Variants in TRDN observed in about 807,000 individuals in gnomAD.
TRDN encodes triadin, also known as triadin in skeletal muscle.
Under a neutral mutation model 149.7 loss-of-function variants are expected in TRDN, and 161 were observed. The observed-to-expected ratio is 1.08, with a 90% CI of 0.95 to 1.23. The LOEUF is 1.23. TRDN is among the 50% of genes most tolerant of loss of function. TRDN has a pLI of 0.00. For synonymous variants in TRDN, 294 were observed against 250.5 expected (o/e 1.17, Z -1.64); for missense variants, 896 against 823.5 (o/e 1.09, Z -1.08).
At chr6:123,285,095 A>G (rs949299897) in intron 24 of TRDN, among the ~76,000 whole-genome samples, 3 of 151,948 alleles carry the variant, frequency 2.0e-5, no homozygotes, top group Non-Finnish European at 4.4e-5. Flanking sequence ...TAGAATCAAT[A>G]TGTGAAAATG....
intron 21 of TRDN, chr6:123,350,024 CTTAAT>C (rs1281807685): frequency 1.0e-6 from 1 of 985,114 alleles, no homozygotes; most frequent in Admixed American, 6.2e-5. Context: ...TGAAACATTC[CTTAAT>C]TTAAGGCAAA....
chr6:123,590,324 G>A (rs1021059699), intron 1 of TRDN, among the ~76,000 whole-genome samples: 2 of 152,206 alleles, frequency 1.3e-5, no homozygotes, highest in Non-Finnish European at 2.9e-5. Flanking sequence ...GGTTCCTTAT[G>A]AGAATCTAAT....
intron 7 of TRDN, among the ~76,000 whole-genome samples, chr6:123,511,473 A>T (rs889140050): frequency 3.9e-5 from 6 of 152,176 alleles, no homozygotes; most frequent in African/African-American, 1.4e-4. Context: ...CTATGTACCT[A>T]TAAATATTGA....
intron 38 of TRDN, among the ~76,000 whole-genome samples, chr6:123,225,657 A>C (rs1341609257): frequency 2.0e-5 from 3 of 151,680 alleles, no homozygotes; most frequent in Non-Finnish European, 4.4e-5. Flanking sequence ...ATTGTATATC[A>C]AATATATATA....
In TRDN at chr6:123,508,944, G is replaced by A. The variant is rs1779045235; in HGVS notation, c.610+3359C>T. 3.3e-5 allele frequency among the ~76,000 whole-genome samples: 5 copies of A among 151,848 alleles called. No individual in the cohort carries two copies. In the South Asian group the frequency reaches 1.0e-3, roughly 32 times the overall value. On this transcript the variant is annotated intron_variant, in intron 7 of 40. Transcript: ENST00000334268. Reference sequence around the variant, plus strand: ...TACCAGAAACCACCTATTACATAAAGAACACTTTCTATTAATTTCTTATAA... The same window carrying A: ...TACCAGAAACCACCTATTACATAAAAAACACTTTCTATTAATTTCTTATAA...
intron 4 of TRDN, among the ~76,000 whole-genome samples, chr6:123,540,655 A>T (rs1425906823): frequency 2.0e-5 from 3 of 152,134 alleles, no homozygotes; most frequent in Non-Finnish European, 2.9e-5. Flanking sequence ...AGTAGCTGGG[A>T]CTACAAGCGC....
intron 12 of TRDN, among the ~76,000 whole-genome samples, chr6:123,399,457 T>C (rs921148690): frequency 6.6e-5 from 10 of 152,228 alleles, no homozygotes; most frequent in African/African-American, 9.6e-5. Flanking sequence ...ACAGATCATT[T>C]GGCCTTTTAC....
intron 14 of TRDN, among the ~76,000 whole-genome samples, chr6:123,387,564 C>A (rs1781953236): frequency 1.3e-5 from 2 of 152,066 alleles, no homozygotes; most frequent in Admixed American, 1.3e-4. Context: ...GTGAGAACGA[C>A]AGTGAGAAAG....
In TRDN at chr6:123,428,916, T is replaced by C. The variant is rs372503691; in HGVS notation, c.1051+9147A>G. Among the ~76,000 whole-genome samples, 151 of 152,280 alleles carry C rather than the reference T, an allele frequency of 9.9e-4. 2 individuals are homozygous for C. In the South Asian group the frequency reaches 0.022, roughly 22 times the overall value. On this transcript the variant is annotated intron_variant, in intron 12 of 40. Transcript: ENST00000334268. Reference sequence around the variant, plus strand: ...CCAACATTAAGCAGATTTCCTTGCATGTATTATGGGATTATTAAATATTTT... The same window carrying C: ...CCAACATTAAGCAGATTTCCTTGCACGTATTATGGGATTATTAAATATTTT...
intron 1 of TRDN, among the ~76,000 whole-genome samples, chr6:123,632,497 C>A (rs538868212): frequency 6.6e-5 from 10 of 152,152 alleles, no homozygotes; most frequent in African/African-American, 2.4e-4. Flanking sequence ...TTAAACAAAC[C>A]ATGCACAAAT....
chr6:123,387,475 C>T (rs1582952870), intron 14 of TRDN, among the ~76,000 whole-genome samples: 1 of 152,082 alleles, frequency 6.6e-6, no homozygotes, highest in East Asian at 1.9e-4. Flanking sequence ...AATGAGAAAG[C>T]AATAGGATTT....
At chr6:123,326,753 T>C (rs1167035199) in intron 23 of TRDN, among the ~76,000 whole-genome samples, 1 of 152,116 alleles carries the variant, frequency 6.6e-6, no homozygotes, top group African/African-American at 2.4e-5. Context: ...TTTTCAGTGA[T>C]CATAAATTTA....
At chr6:123,276,793 C>T (rs1777382551) in intron 26 of TRDN, among the ~76,000 whole-genome samples, 1 of 152,070 alleles carries the variant, frequency 6.6e-6, no homozygotes, top group African/African-American at 2.4e-5. Flanking sequence ...AAAAACAATG[C>T]CAGCCTGGAC....
At chr6:123,508,898 A>T (rs138111577) in intron 7 of TRDN, among the ~76,000 whole-genome samples, 271 of 152,248 alleles carry the variant, frequency 1.8e-3, no homozygotes, top group African/African-American at 6.3e-3. Flanking sequence ...AAGGCTTATG[A>T]CTTTTTATCT....
chr6:123,438,071 T>C lies in TRDN; in HGVS notation c.1043A>G (p.Glu348Gly), dbSNP rs755708624. Residue 348 changes from glutamate to glycine, a missense_variant, in exon 12 of 41, where the codon GAA (glutamate) becomes GGA (glycine). By Grantham distance (98) the Glu-to-Gly change is moderately conservative. Coordinates refer to ENST00000334268, the MANE Select transcript of TRDN (RefSeq NM_006073.4). Reference sequence around the variant, plus strand: ...CAAAGAAAGTGCAATACCTTTTTTTTCCACATCAATGGCAGTTTCCTTCTC... The same window carrying C: ...CAAAGAAAGTGCAATACCTTTTTTTCCCACATCAATGGCAGTTTCCTTCTC... Reference protein sequence around the residue: ...KSEKETAIDVEKKEPGKASET... With the variant: ...KSEKETAIDVGKKEPGKASET... 13 of 1,596,724 alleles carry C rather than the reference T, an allele frequency of 8.1e-6. No individual in the cohort carries two copies. The highest frequency in any genetic ancestry group is 3.3e-4 in the Middle Eastern group (2 of 6,002).
rs557954858 is a variant in TRDN, at chr6:123,259,604, T to C, written c.1870+20A>G. 5.5e-6 allele frequency: 8 copies of C among 1,448,810 alleles called. No individual in the cohort carries two copies. The East Asian group carries it at 2.0e-4, about 36-fold the overall frequency. 89.7% of individuals were successfully genotyped at this position (1,448,810 alleles called of 1,614,324 possible). On this transcript the variant is annotated intron_variant, in intron 35 of 40. Transcript: ENST00000334268. ...TTTTGTGGCTAATTTGATGTATATG[T>C]CTTAAAATGTCATTTTTACCTTTAC...
At chr6:123,408,444 G>A (rs925261524) in intron 12 of TRDN, among the ~76,000 whole-genome samples, 3 of 152,216 alleles carry the variant, frequency 2.0e-5, no homozygotes, top group African/African-American at 7.2e-5. Context: ...TTGGGAGGCC[G>A]AGGTGGGTGG....
chr6:123,441,940 C>A (rs1436650295), intron 10 of TRDN: 1 of 152,144 alleles, frequency 6.6e-6, no homozygotes, highest in Non-Finnish European at 1.5e-5. Context: ...TAAATAAGAA[C>A]TTGTTTCTTT....
chr6:123,234,291 C>T (rs942927633), intron 38 of TRDN, among the ~76,000 whole-genome samples: 2 of 152,012 alleles, frequency 1.3e-5, no homozygotes, highest in Non-Finnish European at 2.9e-5. Context: ...AAAACAATCA[C>T]TTTCATATCA....
Sources: gnomAD v4.1 joint callset for allele counts (sites outside exome capture counted in the v4.1 genomes callset) on GRCh38, gnomAD v4.1.1 for gene constraint, MANE v1.5 for transcripts, NCBI Gene and HGNC (gene_info 2026-07-23, HGNC 2026-07-21) for gene names.